Variants in CCDC171 observed in about 807,000 individuals in gnomAD.
CCDC171 encodes the protein coiled-coil domain containing 171.
A neutral mutation model predicts 168.2 loss-of-function variants in CCDC171; 177 were observed. That is an observed-to-expected ratio of 1.05 (90% CI 0.93 to 1.19). CCDC171 has a LOEUF of 1.19. Ranked by LOEUF, CCDC171 falls within the 50% of genes most tolerant of loss-of-function variation. The pLI, the probability that CCDC171 is intolerant of heterozygous loss-of-function variation, is 0.00. For missense variants in CCDC171, 1,991 were observed against 1,539.0 expected, an observed-to-expected ratio of 1.29 and a Z score of -4.91; for synonymous variants, 687 against 540.8, an observed-to-expected ratio of 1.27 and a Z score of -3.75.
At chr9:15,580,888 T>A (rs1351198918) in intron 4 of CCDC171, among the ~76,000 whole-genome samples, 1 of 152,094 alleles carries the variant, frequency 6.6e-6, no homozygotes, top group Non-Finnish European at 1.5e-5. Context: ...GGATGCCCTC[T>A]CTCACCACTC....
In CCDC171 at chr9:15,971,997, A is replaced by G. The variant is rs1266180355; in HGVS notation, c.*161A>G. 2 of 558,484 alleles carry G rather than the reference A, an allele frequency of 3.6e-6. No homozygotes were observed. The highest frequency in any genetic ancestry group is 6.2e-6 in the Non-Finnish European group (2 of 323,960). The allele number at this position is 558,484 out of a possible 1,614,324, so 34.6% of individuals were successfully genotyped here. A position where few individuals can be genotyped will look rare whatever the true frequency, so the allele number is the denominator to read the frequency against. ...TATTCTGGTAGCTCTGTCTCCTTGA[A>G]TAAGGAAATAGCCAACTTTTTTCTC... On this transcript the variant is annotated 3_prime_UTR_variant, in exon 26 of 26. Coordinates refer to ENST00000380701, the MANE Select transcript of CCDC171 (RefSeq NM_173550.4).
Position 15,949,627 on chromosome 9 carries a change from A to C in CCDC171, c.3754-21982A>C, listed in dbSNP as rs142460976. On this transcript the variant is annotated intron_variant, in intron 25 of 25. Transcript: ENST00000380701. ...TGTCTGTCTGTTATTGGTGTATAAG[A>C]ATGCTTGTGATTTTTGCACATTGAT... Among the ~76,000 whole-genome samples the C allele has an allele frequency of 5.3e-3, 800 of 152,246 alleles. 3 individuals carry two copies. Among genetic ancestry groups the C allele is most frequent in the African/African-American group, 0.019 (783 of 41,536 alleles).
At chr9:15,558,125 C>CT (rs1339300949) in intron 1 of CCDC171, among the ~76,000 whole-genome samples, 1 of 152,100 alleles carries the variant, frequency 6.6e-6, no homozygotes, top group Admixed American at 6.6e-5. Flanking sequence ...TGATGTGCTG[C>CT]TGGATTTGGT....
the CCDC171 span, among the ~76,000 whole-genome samples, chr9:16,070,141 GAA>G: frequency 6.6e-6 from 1 of 152,182 alleles, no homozygotes; most frequent in African/African-American, 2.4e-5. Flanking sequence ...GGCCTGGAAA[GAA>G]AGAGTGAGGG....
intron 6 of CCDC171, among the ~76,000 whole-genome samples, chr9:15,618,358 C>T (rs910861381): frequency 3.3e-5 from 5 of 152,130 alleles, no homozygotes; most frequent in African/African-American, 1.2e-4. Flanking sequence ...TAATGGCGGT[C>T]GCTGCTTCCC....
chr9:15,734,533 C>A (rs568516750), intron 16 of CCDC171, among the ~76,000 whole-genome samples: 3 of 151,896 alleles, frequency 2.0e-5, no homozygotes, highest in African/African-American at 7.3e-5. Flanking sequence ...CCAACAAGAG[C>A]GAAACTCCAT....
chr9:15,594,395 T>TACCCA (rs2042195090), intron 6 of CCDC171, among the ~76,000 whole-genome samples: 1 of 152,118 alleles, frequency 6.6e-6, no homozygotes, highest in African/African-American at 2.4e-5. Flanking sequence ...CCTTATGTGA[T>TACCCA]TTTTAAGAAG....
chr9:15,603,548 T>G (rs2043012908), intron 6 of CCDC171, among the ~76,000 whole-genome samples: 1 of 152,196 alleles, frequency 6.6e-6, no homozygotes, highest in Non-Finnish European at 1.5e-5. Flanking sequence ...GATAATGGCT[T>G]CCAGCTCTAT....
intron 24 of CCDC171, among the ~76,000 whole-genome samples, chr9:15,916,898 C>T (rs1310052322): frequency 6.6e-6 from 1 of 151,958 alleles, no homozygotes; most frequent in African/African-American, 2.4e-5. Context: ...ACAGATCTCA[C>T]TGCATGGTAT....
At chr9:15,721,412 G>A (rs757818346) in intron 11 of CCDC171, among the ~76,000 whole-genome samples, 2 of 151,590 alleles carry the variant, frequency 1.3e-5, no homozygotes, top group Non-Finnish European at 2.9e-5. Flanking sequence ...TAAAAGGTAT[G>A]TACAAACACT....
At chr9:15,624,309 A>G (rs1379522528) in intron 7 of CCDC171, among the ~76,000 whole-genome samples, 2 of 151,744 alleles carry the variant, frequency 1.3e-5, no homozygotes, top group Non-Finnish European at 2.9e-5. Flanking sequence ...ACAATTTTTT[A>G]AAATTAATTA....
At chr9:15,649,433 A>T (rs2047322186) in intron 7 of CCDC171, among the ~76,000 whole-genome samples, 1 of 152,250 alleles carries the variant, frequency 6.6e-6, no homozygotes, top group Admixed American at 6.5e-5. Context: ...CTGCACAGCA[A>T]AAGAAGCTAC....
intron 25 of CCDC171, among the ~76,000 whole-genome samples, chr9:15,940,767 T>C (rs575118980): frequency 6.6e-6 from 1 of 152,020 alleles, no homozygotes; most frequent in South Asian, 2.1e-4. Flanking sequence ...AGACCTTGCC[T>C]CTAGTCCCAG....
At chr9:15,732,225 A>G (rs546953538) in intron 16 of CCDC171, among the ~76,000 whole-genome samples, 25 of 152,056 alleles carry the variant, frequency 1.6e-4, no homozygotes, top group Middle Eastern at 3.4e-3. Context: ...TCTTTTGGCT[A>G]TTTGTTTATA....
At chr9:16,036,424 C>T (rs1030532932) in intron 8 of CCDC171, among the ~76,000 whole-genome samples, 1 of 152,198 alleles carries the variant, frequency 6.6e-6, no homozygotes, top group Non-Finnish European at 1.5e-5. Flanking sequence ...GCAGGCGGAT[C>T]TCGAGGTCAG....
intron 3 of CCDC171, among the ~76,000 whole-genome samples, chr9:15,572,159 A>G (rs2040278602): frequency 6.6e-6 from 1 of 152,154 alleles, no homozygotes; most frequent in Non-Finnish European, 1.5e-5. Context: ...CAGTTCATAA[A>G]TTGTCTTAGT....
intron 4 of CCDC171, among the ~76,000 whole-genome samples, chr9:15,587,374 T>TA (rs1295392506): frequency 2.0e-5 from 3 of 152,186 alleles, no homozygotes; most frequent in Non-Finnish European, 4.4e-5. Flanking sequence ...CTGATGGTTT[T>TA]AAAAATGGGA....
chr9:15,737,951 T>A (rs979161587), intron 16 of CCDC171, among the ~76,000 whole-genome samples: 1 of 152,200 alleles, frequency 6.6e-6, no homozygotes, highest in Non-Finnish European at 1.5e-5. Flanking sequence ...GTCCTTATTT[T>A]TTAACAGAGA....
At chr9:15,938,490 A>C (rs1283897338) in intron 25 of CCDC171, among the ~76,000 whole-genome samples, 1 of 151,732 alleles carries the variant, frequency 6.6e-6, no homozygotes, top group Non-Finnish European at 1.5e-5. Flanking sequence ...TCACAAATTC[A>C]CTGGGTCTAT....
Sources: allele counts gnomAD v4.1 joint callset (sites outside exome capture counted in the v4.1 genomes callset), GRCh38; gene constraint gnomAD v4.1.1; transcripts MANE v1.5; gene names NCBI Gene and HGNC (gene_info 2026-07-23, HGNC 2026-07-21).